Variants in GPAT3 observed in about 807,000 individuals in gnomAD.
The protein encoded by GPAT3 is 1-AGP acyltransferase 9.
A neutral mutation model predicts 58.8 loss-of-function variants in GPAT3; 53 were observed. The ratio of observed to expected loss-of-function variants is 0.90; its 90% CI spans 0.72 to 1.13. The LOEUF (loss-of-function observed/expected upper bound fraction) is 1.13, where lower values mean the gene tolerates loss of function less well. GPAT3 is among the 50% of genes most tolerant of loss of function. GPAT3 has a pLI of 0.00. For missense variants in GPAT3, 511 were observed against 527.6 expected, an observed-to-expected ratio of 0.97 and a Z score of 0.31; for synonymous variants, 197 against 187.4, an observed-to-expected ratio of 1.05 and a Z score of -0.42.
intron 2 of GPAT3, among the ~76,000 whole-genome samples, chr4:83,562,189 A>G (rs1725157756): frequency 4.2e-5 from 2 of 47,178 alleles, no homozygotes; most frequent in Admixed American, 2.6e-4. Context: ...TTATATATAT[A>G]TATATATATA....
chr4:83,585,014 A>G (rs1335178907), intron 3 of GPAT3, among the ~76,000 whole-genome samples: 1 of 152,228 alleles, frequency 6.6e-6, no homozygotes, highest in Non-Finnish European at 1.5e-5. Context: ...ACATGTTAAA[A>G]TGAAACTCCT....
At chr4:83,597,384 G>T (rs1466135833) in intron 8 of GPAT3, 46 bp from the exon 9 acceptor site, 2 of 992,284 alleles carry the variant, frequency 2.0e-6, no homozygotes, top group South Asian at 4.7e-5. Context: ...TTTTTAAAAT[G>T]ACTGCCTTTA....
chr4:83,594,073 C>G (rs993753882), intron 6 of GPAT3, among the ~76,000 whole-genome samples: 8 of 152,020 alleles, frequency 5.3e-5, no homozygotes, highest in African/African-American at 1.9e-4. Context: ...TATTATTTCC[C>G]CTTTAGTCTT....
chr4:83,584,450 A>T (rs1726289541), intron 3 of GPAT3, among the ~76,000 whole-genome samples: 1 of 152,212 alleles, frequency 6.6e-6, no homozygotes, highest in South Asian at 2.1e-4. Context: ...TTGTATTAAG[A>T]TACAATGTGG....
At chr4:83,579,077 T>TCTTCC (rs1478746469) in intron 2 of GPAT3, among the ~76,000 whole-genome samples, 1 of 26,856 alleles carries the variant, frequency 3.7e-5, no homozygotes, top group South Asian at 1.8e-3. Context: ...TTTCTTTCTT[T>TCTTCC]CTTCCCTTCC....
intron 2 of GPAT3, among the ~76,000 whole-genome samples, chr4:83,570,923 A>G (rs1319074238): frequency 6.6e-6 from 1 of 152,338 alleles, no homozygotes; most frequent in East Asian, 1.9e-4. Flanking sequence ...GAGCTAAAGA[A>G]CACATTTATG....
intron 3 of GPAT3, 120 bp from the exon 4 acceptor site, chr4:83,587,135 C>T: frequency 1.4e-6 from 1 of 723,334 alleles, no homozygotes; most frequent in Non-Finnish European, 2.4e-6. Context: ...TTAGTGGCTG[C>T]ATCATATTTC....
chr4:83,560,424 T>C (rs796935856), intron 2 of GPAT3, among the ~76,000 whole-genome samples: 51 of 152,250 alleles, frequency 3.3e-4, no homozygotes, highest in African/African-American at 1.2e-3. Flanking sequence ...TTGAATTTTT[T>C]TTTTGTATTT....
At chr4:83,603,173 C>G (rs1008687725) in intron 11 of GPAT3, among the ~76,000 whole-genome samples, 2 of 152,192 alleles carry the variant, frequency 1.3e-5, no homozygotes, top group African/African-American at 2.4e-5. Flanking sequence ...TAAGCAAGTT[C>G]TCAGCCCATG....
At chr4:83,584,605 A>G (rs1726295713) in intron 3 of GPAT3, among the ~76,000 whole-genome samples, 1 of 152,220 alleles carries the variant, frequency 6.6e-6, no homozygotes, top group African/African-American at 2.4e-5. Flanking sequence ...CGCTGAGTTC[A>G]AGCGATTCTT....
chr4:83,596,097 C>T (rs938434496), intron 7 of GPAT3, among the ~76,000 whole-genome samples: 1 of 152,132 alleles, frequency 6.6e-6, no homozygotes, highest in African/African-American at 2.4e-5. Context: ...TTCTCAGCTT[C>T]ATGGTGTGCA....
At chr4:83,579,071 TTTCTTTCTTCCCTTCCTTCCTTCC>T (rs1725988306) in intron 2 of GPAT3, among the ~76,000 whole-genome samples, 1 of 26,704 alleles carries the variant, frequency 3.7e-5, no homozygotes, top group Non-Finnish European at 7.2e-5. Context: ...TCTTTCTTTC[TTTCTTTCTTCCCTTCCTTCCTTCC>T]TTCCTTCCTT....
Position 83,559,724 on chromosome 4 carries a change from A to G in GPAT3, c.208+15122A>G, listed in dbSNP as rs114827710. Among the ~76,000 whole-genome samples the G allele has an allele frequency of 1.3e-3, 197 of 152,206 alleles. 2 individuals carry two copies. The highest frequency in any genetic ancestry group is 4.5e-3 in the African/African-American group (188 of 41,502). On this transcript the variant is annotated intron_variant, in intron 2 of 11. Transcript: ENST00000264409. Reference sequence around the variant, plus strand: ...TCTTCTTTCTCTAAAATGTTTTGGTAATGGAATTTCCCATTTTTCTCTGTC... The same window carrying G: ...TCTTCTTTCTCTAAAATGTTTTGGTGATGGAATTTCCCATTTTTCTCTGTC...
intron 5 of GPAT3, among the ~76,000 whole-genome samples, chr4:83,588,744 T>C (rs570046805): frequency 6.6e-6 from 1 of 152,342 alleles, no homozygotes; most frequent in African/African-American, 2.4e-5. Context: ...GGACTAGACG[T>C]GGAGTCTGGA....
chr4:83,597,695 T>C (rs1318986430), intron 9 of GPAT3, among the ~76,000 whole-genome samples, 180 bp downstream of exon 9: 1 of 152,202 alleles, frequency 6.6e-6, no homozygotes, highest in Non-Finnish European at 1.5e-5. Context: ...TATATGTAGA[T>C]AGATGTATAC....
intron 1 of GPAT3, 81 bp downstream of exon 1, chr4:83,536,844 C>A: frequency 1.4e-6 from 2 of 1,397,504 alleles, no homozygotes; most frequent in Non-Finnish European, 2.0e-6. Context: ...GGTCAGTGGT[C>A]GCGAGTCAGG....
At chr4:83,559,834 A>G (rs1346067440) in intron 2 of GPAT3, among the ~76,000 whole-genome samples, 2 of 152,214 alleles carry the variant, frequency 1.3e-5, no homozygotes, top group African/African-American at 2.4e-5. Flanking sequence ...CTTTGTACAC[A>G]GTAGGCTGGG....
intron 3 of GPAT3, among the ~76,000 whole-genome samples, chr4:83,583,129 CT>C (rs1451046986): frequency 6.6e-6 from 1 of 151,794 alleles, no homozygotes; most frequent in Non-Finnish European, 1.5e-5. Context: ...AACCTCATCT[CT>C]ACTAAAAATA....
In GPAT3 at chr4:83,537,313, T is replaced by C. The variant is rs143899543; in HGVS notation, c.141+550T>C. On this transcript the variant is annotated intron_variant, in intron 1 of 11. Transcript: ENST00000264409. ...CTAACCAACAGCACTTGAAATGCCA[T>C]TGAAAAGGTATATATTCTTTGACCT... Among the ~76,000 whole-genome samples the C allele has an allele frequency of 6.3e-4, 96 of 152,280 alleles. 1 individual carries two copies. Among genetic ancestry groups the C allele is most frequent in the African/African-American group, 2.2e-3 (93 of 41,560 alleles).
Sources: gnomAD v4.1 joint callset for allele counts (sites outside exome capture counted in the v4.1 genomes callset) on GRCh38, gnomAD v4.1.1 for gene constraint, MANE v1.5 for transcripts, NCBI Gene and HGNC (gene_info 2026-07-23, HGNC 2026-07-21) for gene names.